CDC42EP1: variants seen among roughly 807,000 people sequenced by gnomAD.
The protein encoded by CDC42EP1 is 55 kDa bone marrow stromal/endothelial cell protein.
A neutral mutation model predicts 7.4 loss-of-function variants in CDC42EP1; 6 were observed. The ratio of observed to expected loss-of-function variants is 0.81; its 90% CI spans 0.44 to 1.60. CDC42EP1 has a LOEUF of 1.60. Ranked by LOEUF, CDC42EP1 falls within the 40% of genes most tolerant of loss-of-function variation. The pLI, the probability that CDC42EP1 is intolerant of heterozygous loss-of-function variation, is 0.01. For synonymous variants in CDC42EP1, 238 were observed against 227.1 expected, an observed-to-expected ratio of 1.05 and a Z score of -0.43; for missense variants, 567 against 539.0, an observed-to-expected ratio of 1.05 and a Z score of -0.51.
chr22:37,566,576 G>T lies in CDC42EP1; in HGVS notation c.227G>T (p.Arg76Leu), dbSNP rs61739954. 1 of 1,604,750 alleles carries T rather than the reference G, an allele frequency of 6.2e-7. No individual in the cohort carries two copies. Among genetic ancestry groups the T allele is most frequent in the South Asian group, 1.1e-5 (1 of 90,288 alleles). The change falls in exon 2 of 3, where the codon CGC becomes CTC. Residue 76 changes from arginine to leucine, a missense_variant. By Grantham distance (102) the Arg-to-Leu change is moderately radical. Transcript: ENST00000249014. The surrounding 1 kb of genome is among the most constrained non-coding windows in gnomAD (Gnocchi z 6.4). ...NHGGSSGSTH[R>L]SPRSFLAKKL... The stretch of plus-strand genomic sequence containing the variant: ...GGTGGCAGCTCCGGGAGCACCCATC[G>T]CTCACCCCGCAGCTTCCTGGCCAAG...
intron 1 of CDC42EP1, among the ~76,000 whole-genome samples, chr22:37,561,849 C>T (rs1925051760): frequency 6.6e-6 from 1 of 152,184 alleles, no homozygotes; most frequent in African/African-American, 2.4e-5. Flanking sequence ...CCCCCGCTCT[C>T]CTTCAGACCC....
rs930135314 is a variant in CDC42EP1 at position 37,569,056 on chromosome 22, T to C, written c.*236T>C. ...CCCCCGACTGCCACTCTGGACCTAATAGCTGTTCCTTAGGCCCCACTCCAT... is the reference window on the plus strand; with the variant it reads ...CCCCCGACTGCCACTCTGGACCTAACAGCTGTTCCTTAGGCCCCACTCCAT... On this transcript the variant is annotated 3_prime_UTR_variant, in exon 3 of 3. Coordinates refer to ENST00000249014, the MANE Select transcript of CDC42EP1 (RefSeq NM_152243.3). 10 of 365,798 alleles carry C rather than the reference T, an allele frequency of 2.7e-5. No homozygotes were observed. The highest frequency in any genetic ancestry group is 1.7e-4 in the African/African-American group (8 of 47,808). 22.7% of individuals were successfully genotyped at this position (365,798 alleles called of 1,614,324 possible). A position where few individuals can be genotyped will look rare whatever the true frequency, so the allele number is the denominator to read the frequency against.
At chr22:37,562,616 T>A (rs1423870092) in intron 1 of CDC42EP1, among the ~76,000 whole-genome samples, 1 of 152,148 alleles carries the variant, frequency 6.6e-6, no homozygotes, top group Non-Finnish European at 1.5e-5. Context: ...TGCCCTCAGC[T>A]CCACAGCGCT....
Position 37,566,274 on chromosome 22 carries a change from C to G in CDC42EP1, c.-76C>G. ...CCGCCAGGGCAAAGGAGCTGAGCAG[C>G]CATCCCAAGCCCAGCCCACCTCCCT... is the stretch of plus-strand genomic sequence containing the variant. On this transcript the variant is annotated 5_prime_UTR_variant, in exon 2 of 3. Transcript: ENST00000249014. This position sits in a 1 kb window ranked among gnomAD's most constrained non-coding sequence, Gnocchi z 6.4. 1 of 831,588 alleles carries G rather than the reference C, an allele frequency of 1.2e-6. No homozygotes were observed. The highest frequency in any genetic ancestry group is 2.8e-5 in the East Asian group (1 of 36,322). The allele number at this position is 831,588 out of a possible 1,614,324, so 51.5% of individuals were successfully genotyped here. A position where few individuals can be genotyped will look rare whatever the true frequency, so the allele number is the denominator to read the frequency against.
chr22:37,562,433 G>A (rs537750950), intron 1 of CDC42EP1, among the ~76,000 whole-genome samples: 247 of 152,318 alleles, frequency 1.6e-3, no homozygotes, highest in African/African-American at 5.5e-3. Context: ...GCTGCCACCG[G>A]GGTCCCTGGA....
At chr22:37,565,888 G>A (rs1234364628) in intron 1 of CDC42EP1, among the ~76,000 whole-genome samples, 184 bp from the exon 2 acceptor site, 1 of 152,052 alleles carries the variant, frequency 6.6e-6, no homozygotes, top group Non-Finnish European at 1.5e-5. Flanking sequence ...CTGTGTTCTT[G>A]AACTTTCTAT....
chr22:37,568,825 C>T lies in CDC42EP1; in HGVS notation c.*5C>T. The T allele has an allele frequency of 1.4e-6, 2 of 1,463,392 alleles. No individual in the cohort carries two copies. Among genetic ancestry groups the T allele is most frequent in the Non-Finnish European group, 1.8e-6 (2 of 1,104,910 alleles). 90.7% of individuals were successfully genotyped at this position (1,463,392 alleles called of 1,614,324 possible). On this transcript the variant is annotated 3_prime_UTR_variant, in exon 3 of 3. Transcript: ENST00000249014. ...GATGATGAGGTCAAGGTGTGAGGGG[C>T]TGGGGCACGGTCCCAGGGCCCCACC...
At chr22:37,563,495 T>TC (rs546762633) in intron 1 of CDC42EP1, among the ~76,000 whole-genome samples, 37 of 148,520 alleles carry the variant, frequency 2.5e-4, no homozygotes, top group African/African-American at 5.7e-4. Context: ...ATTCAGAAGT[T>TC]CCCCCCCACG....
Position 37,568,360 on chromosome 22 carries a change from CG to C in CDC42EP1, c.719del (p.Gly240ValfsTer51). On this transcript the variant is annotated frameshift_variant, in exon 3 of 3. Transcript: ENST00000249014. LOFTEE classifies it low-confidence loss of function (END_TRUNC). The stretch of plus-strand genomic sequence containing the variant: ...CCCCCAGCCCCTACTGCAAACCCCA[CG>C]GGTCCTGCTGCAAACCCCCCAGCCA... ...ANPPAPTANPTGPAANPPATT... is the reference protein window; with the variant it reads ...ANPPAPTANPXGPAANPPATT... 1 of 1,563,928 alleles carries C rather than the reference CG, an allele frequency of 6.4e-7. No individual in the cohort carries two copies. Among genetic ancestry groups the C allele is most frequent in the South Asian group, 1.1e-5 (1 of 87,158 alleles).
chr22:37,564,999 C>T (rs921424056), intron 1 of CDC42EP1, among the ~76,000 whole-genome samples: 2 of 152,062 alleles, frequency 1.3e-5, no homozygotes, highest in African/African-American at 4.8e-5. Context: ...AGGCTGGTCT[C>T]TAATTCCTGA....
In CDC42EP1 at chr22:37,568,089, C is replaced by G. The variant is rs1191309456; in HGVS notation, c.464-19C>G. 1.9e-6 allele frequency: 3 copies of G among 1,591,950 alleles called. No homozygotes were observed. The highest frequency in any genetic ancestry group is 2.7e-5 in the African/African-American group (2 of 74,556). ...GTGAGGGACCCCAGCTCTGAGCCCA[C>G]TGCCCATTTCTCTTCTAGGCCTGGA... On this transcript the variant is annotated intron_variant, in intron 2 of 2. Transcript: ENST00000249014.
rs538214148 is a variant in CDC42EP1, at chr22:37,566,192, C to T, written c.-158C>T. On this transcript the variant is annotated 5_prime_UTR_variant, in exon 2 of 3. Transcript: ENST00000249014. This position sits in a 1 kb window ranked among gnomAD's most constrained non-coding sequence, Gnocchi z 6.4. ...GCCCCTGGGAGAGACGAGCCATGAA[C>T]CCCCCACAGCCTCTGCATTTGGGGA... 9.7e-5 allele frequency: 47 copies of T among 482,628 alleles called. No individual in the cohort carries two copies. Among genetic ancestry groups the T allele is most frequent in the Non-Finnish European group, 1.6e-4 (45 of 275,252 alleles). 29.9% of individuals were successfully genotyped at this position (482,628 alleles called of 1,614,324 possible).
chr22:37,566,490 C>T lies in CDC42EP1; in HGVS notation c.141C>T (p.His47=). ...MISHPLGDFR[H]TMHVGRGGDV... ...GCCACCCACTCGGGGACTTCCGCCA[C>T]ACCATGCATGTGGGCCGTGGCGGGG... Residue 47 remains histidine (H), a synonymous_variant, in exon 2 of 3, where the codon CAC becomes CAT. Transcript: ENST00000249014. The surrounding 1 kb of genome is among the most constrained non-coding windows in gnomAD (Gnocchi z 6.4). 5.0e-6 allele frequency: 8 copies of T among 1,613,440 alleles called. No individual in the cohort carries two copies. The highest frequency in any genetic ancestry group is 6.8e-6 in the Non-Finnish European group (8 of 1,179,692).
intron 1 of CDC42EP1, among the ~76,000 whole-genome samples, chr22:37,560,946 G>C (rs1170099188): frequency 1.3e-5 from 2 of 151,728 alleles, no homozygotes; most frequent in Non-Finnish European, 2.9e-5. Flanking sequence ...AGCGGGCGAC[G>C]CGGCGGAATG....
rs1237041124 is a variant in CDC42EP1 at position 37,568,190 on chromosome 22, C to T, written c.546C>T (p.Pro182=). The change falls in exon 3 of 3, where the codon CCC becomes CCT. Residue 182 remains proline (P), a synonymous_variant. Coordinates refer to ENST00000249014, the MANE Select transcript of CDC42EP1 (RefSeq NM_152243.3). ...PHDRDRDGSF[P]SEPGLRRSDS... ...ACCGAGACCGGGATGGTTCCTTCCC[C>T]TCTGAGCCCGGGCTTCGCCGCTCTG... 3 of 1,613,938 alleles carry T rather than the reference C, an allele frequency of 1.9e-6. No homozygotes were observed. Among genetic ancestry groups the T allele is most frequent in the Non-Finnish European group, 1.7e-6 (2 of 1,180,004 alleles).
At chr22:37,562,509 G>A (rs187553666) in intron 1 of CDC42EP1, among the ~76,000 whole-genome samples, 1 of 152,350 alleles carries the variant, frequency 6.6e-6, no homozygotes, top group East Asian at 1.9e-4. Flanking sequence ...GTATCTGAGG[G>A]TTTCATTACA....
intron 1 of CDC42EP1, 66 bp downstream of exon 1, chr22:37,560,654 C>G (rs886438903): frequency 7.3e-5 from 11 of 151,006 alleles, no homozygotes; most frequent in African/African-American, 2.7e-4. Flanking sequence ...CCGGCGCCCG[C>G]GGGGACTCTG....
chr22:37,568,432 C>T lies in CDC42EP1; in HGVS notation c.788C>T (p.Ala263Val). 1 of 1,542,608 alleles carries T rather than the reference C, an allele frequency of 6.5e-7. No individual in the cohort carries two copies. Residue 263 changes from alanine to valine, a missense_variant, in exon 3 of 3, where the codon GCC (alanine) becomes GTC (valine). Physicochemically the swap from Ala to Val is moderately conservative, Grantham distance 64 (BLOSUM62 0). Transcript: ENST00000249014. ...PAPAANPSAP[A>V]ATPTGPAANP... ...CCTGCTGCAAACCCCTCAGCACCTG[C>T]CGCAACCCCCACGGGTCCTGCTGCA... is the stretch of plus-strand genomic sequence containing the variant.
rs1001637608 is a variant in CDC42EP1, at chr22:37,566,109, G to A, written c.-241G>A. 15 of 399,220 alleles carry A rather than the reference G, an allele frequency of 3.8e-5. No individual in the cohort carries two copies. Among genetic ancestry groups the A allele is most frequent in the East Asian group, 1.5e-4 (4 of 26,820 alleles). 24.7% of individuals were successfully genotyped at this position (399,220 alleles called of 1,614,324 possible). On this transcript the variant is annotated 5_prime_UTR_variant, in exon 2 of 3. Transcript: ENST00000249014. The surrounding 1 kb of genome is among the most constrained non-coding windows in gnomAD (Gnocchi z 6.4). ...GGGCAGGAGAGTTGCCGACCACCTC[G>A]GGGGTGCTTTCTCTGCGCTTGAACA...
Sources: allele counts gnomAD v4.1 joint callset (sites outside exome capture counted in the v4.1 genomes callset), GRCh38; gene constraint gnomAD v4.1.1; non-coding constraint Gnocchi (gnomAD v3.1); transcripts MANE v1.5; gene names NCBI Gene and HGNC (gene_info 2026-07-23, HGNC 2026-07-21).